The following TERT variants were observed in gnomAD, a reference collection of about 807,000 sequenced individuals.
TERT encodes telomerase reverse transcriptase, also known as telomerase catalytic subunit.
A neutral mutation model predicts 104.0 loss-of-function variants in TERT; 42 were observed. The ratio of observed to expected loss-of-function variants is 0.40; its 90% confidence interval spans 0.32 to 0.52. The LOEUF is 0.52. Ranked by LOEUF, TERT falls within the 20% of genes least tolerant of loss-of-function variation. The pLI, the probability that TERT is intolerant of heterozygous loss-of-function variation, is 0.43. For synonymous variants in TERT, 781 were observed against 725.6 expected (o/e 1.08, Z -1.23); for missense variants, 1,101 against 1,610.3 (o/e 0.68, Z 5.41).
Position 1,255,105 on chromosome 5 carries a change from C to T in TERT, c.3157+182G>A, listed in dbSNP as rs1455372138. On this transcript the variant is annotated intron_variant, in intron 14 of 15. Transcript: ENST00000310581. The surrounding 1 kb of genome is among the most constrained non-coding windows in gnomAD (Gnocchi z 6.9). ...GCTCCCAGACAGCTCCTGTCCCTTC[C>T]ATCAGGTGCTCTGCTCACCCCACGA... Among the ~76,000 whole-genome samples, 2 of 152,206 alleles carry T rather than the reference C, an allele frequency of 1.3e-5. No homozygotes were observed. The highest frequency in any genetic ancestry group is 2.9e-5 in the Non-Finnish European group (2 of 68,026).
rs1014182572 is a variant in TERT at position 1,286,070 on chromosome 5, T to C, written c.1574-3446A>G. ...ACCGCGGAGCCACCAGACCCCGACATGCCTGGGGTTTTCCAGGCTGAACCC... is the reference window on the plus strand; with the variant it reads ...ACCGCGGAGCCACCAGACCCCGACACGCCTGGGGTTTTCCAGGCTGAACCC... On this transcript the variant is annotated intron_variant, in intron 2 of 15. Coordinates refer to ENST00000310581, the MANE Select transcript of TERT (RefSeq NM_198253.3). The surrounding 1 kb of genome is among the most constrained non-coding windows in gnomAD (Gnocchi z 5.3). Among the ~76,000 whole-genome samples the C allele has an allele frequency of 6.6e-6, 1 of 152,126 alleles. No homozygotes were observed. The highest frequency in any genetic ancestry group is 1.5e-5 in the Non-Finnish European group (1 of 68,032).
chr5:1,278,950 G>C (rs1368419227), intron 5 of TERT, among the ~76,000 whole-genome samples, 154 bp from the exon 6 acceptor site: 9 of 152,232 alleles, frequency 5.9e-5, no homozygotes, highest in African/African-American at 2.2e-4. Context: ...TCCCCTCTCT[G>C]AGCCTCAGGA....
In TERT at chr5:1,290,596, C is replaced by G. The variant is rs369950186; in HGVS notation, c.1573+2717G>C. Among the ~76,000 whole-genome samples, 396 of 43,690 alleles carry G rather than the reference C, an allele frequency of 9.1e-3. 15 individuals carry two copies. Among genetic ancestry groups the G allele is most frequent in the Non-Finnish European group, 0.011 (263 of 24,426 alleles). 28.7% of individuals were successfully genotyped at this position (43,690 alleles called of 152,430 possible). The stretch of plus-strand genomic sequence containing the variant: ...ACACGTGACAGGGACACCCGGGGAC[C>G]GCGCCTCACTCACCCTGAACGTGAC... On this transcript the variant is annotated intron_variant, in intron 2 of 15. Transcript: ENST00000310581.
rs891361485 is a variant in TERT at position 1,286,895 on chromosome 5, C to T, written c.1574-4271G>A. On this transcript the variant is annotated intron_variant, in intron 2 of 15. Transcript: ENST00000310581. The surrounding 1 kb of genome is among the most constrained non-coding windows in gnomAD (Gnocchi z 5.3). Reference sequence around the variant, plus strand: ...TGTCTCAATAAACAAAAGCAAACAACGACAATAAAAAGATCAGGGGGTAAC... The same window carrying T: ...TGTCTCAATAAACAAAAGCAAACAATGACAATAAAAAGATCAGGGGGTAAC... Among the ~76,000 whole-genome samples, 5 of 151,710 alleles carry T rather than the reference C, an allele frequency of 3.3e-5. No homozygotes were observed. Among genetic ancestry groups the T allele is most frequent in the African/African-American group, 7.3e-5 (3 of 41,262 alleles).
intron 2 of TERT, among the ~76,000 whole-genome samples, chr5:1,283,452 A>C (rs1209763438): frequency 7.6e-3 from 461 of 60,566 alleles, no homozygotes; most frequent in Middle Eastern, 0.013. Context: ...ACATCCAGCT[A>C]ACCGCAGGGC....
At chr5:1,282,950 AACACACATACAGC>A (rs1750145873) in intron 2 of TERT, 1 of 377,640 alleles carries the variant, frequency 2.6e-6, no homozygotes, top group African/African-American at 2.5e-5. Context: ...CCATCCAGAC[AACACACATACAGC>A]CCACCGCAGG....
In TERT at chr5:1,273,970, G is replaced by A. The variant is rs145102024; in HGVS notation, c.2287-1690C>T. 1.1e-4 allele frequency among the ~76,000 whole-genome samples: 17 copies of A among 152,298 alleles called. 1 individual carries two copies. Among genetic ancestry groups the A allele is most frequent in the Admixed American group, 4.6e-4 (7 of 15,302 alleles). On this transcript the variant is annotated intron_variant, in intron 6 of 15. Transcript: ENST00000310581. ...AGTCTGAAGACGCGGGAGAGAGACCGGCACCCCCACCTCCTATTCTGCAGA... is the reference window on the plus strand; with the variant it reads ...AGTCTGAAGACGCGGGAGAGAGACCAGCACCCCCACCTCCTATTCTGCAGA...
intron 2 of TERT, among the ~76,000 whole-genome samples, chr5:1,290,346 C>T (rs1334774841): frequency 6.7e-5 from 4 of 60,068 alleles, no homozygotes; most frequent in East Asian, 4.3e-4. Flanking sequence ...CCGGGGACGG[C>T]ACCTCACTCA....
chr5:1,294,736 A>C, intron 1 of TERT, 35 bp downstream of exon 1: 1 of 1,565,730 alleles, frequency 6.4e-7, no homozygotes. Context: ...GGCCGCCCTC[A>C]ACCCCAGCCG....
intron 6 of TERT, among the ~76,000 whole-genome samples, chr5:1,277,084 G>A (rs879573549): frequency 8.5e-5 from 13 of 152,188 alleles, no homozygotes; most frequent in Non-Finnish European, 1.5e-4. Context: ...GCCCCGGGGC[G>A]GCCAGCACGG....
In TERT at chr5:1,253,311, G is replaced by A. The variant is rs1747459772; in HGVS notation, c.*417C>T. The A allele has an allele frequency of 2.6e-6, 1 of 384,232 alleles. No homozygotes were observed. Among genetic ancestry groups the A allele is most frequent in the Non-Finnish European group, 4.8e-6 (1 of 206,426 alleles). The allele number at this position is 384,232 out of a possible 1,614,324, so 23.8% of individuals were successfully genotyped here. The stretch of plus-strand genomic sequence containing the variant: ...CCTTTGGTCACTCCAAATTCCCAGA[G>A]CTCCCAGGGTCCTTCTCAGGGTCTC... On this transcript the variant is annotated 3_prime_UTR_variant, in exon 16 of 16. Transcript: ENST00000310581.
chr5:1,268,314 C>A lies in TERT; in HGVS notation c.2582+206G>T, dbSNP rs1466704146. On this transcript the variant is annotated intron_variant, in intron 9 of 15. Coordinates refer to ENST00000310581, the MANE Select transcript of TERT (RefSeq NM_198253.3). The surrounding 1 kb of genome is among the most constrained non-coding windows in gnomAD (Gnocchi z 5.5). ...GAGCCCTGAGGCCTCTGGACATGGC[C>A]GCTGGACAGAGCCTGCGTGGAGCCC... 6.6e-6 allele frequency among the ~76,000 whole-genome samples: 1 copy of A among 152,228 alleles called. No homozygotes were observed. The highest frequency in any genetic ancestry group is 1.5e-5 in the Non-Finnish European group (1 of 68,032).
In TERT at chr5:1,281,905, T is replaced by C. The variant is rs36002710; in HGVS notation, c.1769+524A>G. 2.2e-3 allele frequency among the ~76,000 whole-genome samples: 341 copies of C among 152,208 alleles called. 1 individual carries two copies. The highest frequency in any genetic ancestry group is 0.01 in the Middle Eastern group (3 of 294). On this transcript the variant is annotated intron_variant, in intron 3 of 15. Coordinates refer to ENST00000310581, the MANE Select transcript of TERT (RefSeq NM_198253.3). ...GAGTTCGAGACCAGCCTGGCCAACA[T>C]GGTGAAACCCCGTCTCTCCTAAAAG...
rs36077524 is a variant in TERT, at chr5:1,263,224, C to T, written c.2843+1180G>A. Among the ~76,000 whole-genome samples the T allele has an allele frequency of 7.7e-4, 118 of 152,294 alleles. No individual in the cohort carries two copies. Among genetic ancestry groups the T allele is most frequent in the Admixed American group, 9.8e-4 (15 of 15,292 alleles). ...CCAGATCTGGACTGTTAACTCAGAA[C>T]GACAGGACCCCAGTTTAAACCTCTG... On this transcript the variant is annotated intron_variant, in intron 11 of 15. Transcript: ENST00000310581. This position sits in a 1 kb window ranked among gnomAD's most constrained non-coding sequence, Gnocchi z 5.3.
rs946117938 is a variant in TERT at position 1,267,436 on chromosome 5, A to G, written c.2583-901T>C. Among the ~76,000 whole-genome samples, 7 of 152,332 alleles carry G rather than the reference A, an allele frequency of 4.6e-5. No homozygotes were observed. In the East Asian group the frequency reaches 5.8e-4, roughly 13 times the overall value. On this transcript the variant is annotated intron_variant, in intron 9 of 15. Transcript: ENST00000310581. ...TGGAAGACAGTGTGGTGATTCCTCA[A>G]GGATCTAGAACTAGAAATACCATTT...
intron 6 of TERT, among the ~76,000 whole-genome samples, chr5:1,275,093 G>A (rs925778477): frequency 2.0e-5 from 3 of 152,176 alleles, no homozygotes; most frequent in Non-Finnish European, 4.4e-5. Context: ...AGCGAGTCTC[G>A]GCCGGGCGCG....
chr5:1,281,615 C>CA, intron 3 of TERT, among the ~76,000 whole-genome samples: 1 of 152,362 alleles, frequency 6.6e-6, no homozygotes, highest in African/African-American at 2.4e-5. Context: ...ACATTGCAGA[C>CA]AAAATCTCAC....
chr5:1,271,380 T>C (rs1749022824), intron 7 of TERT, among the ~76,000 whole-genome samples, 176 bp from the exon 8 acceptor site: 1 of 152,224 alleles, frequency 6.6e-6, no homozygotes, highest in Non-Finnish European at 1.5e-5. Context: ...CAGACACACA[T>C]GGGCTTAGGC....
rs1032717805 is a variant in TERT at position 1,269,992 on chromosome 5, G to A, written c.2468+1127C>T. Among the ~76,000 whole-genome samples the A allele has an allele frequency of 1.3e-5, 2 of 152,118 alleles. No individual in the cohort carries two copies. Among genetic ancestry groups the A allele is most frequent in the African/African-American group, 2.4e-5 (1 of 41,434 alleles). ...AAGCCCTGCCACACGTGGACGGTAC[G>A]TGACTTGATCCATCTTAATAAAATT... On this transcript the variant is annotated intron_variant, in intron 8 of 15. Transcript: ENST00000310581. The surrounding 1 kb of genome is among the most constrained non-coding windows in gnomAD (Gnocchi z 9.0).
Sources: gnomAD v4.1 joint callset for allele counts (sites outside exome capture counted in the v4.1 genomes callset) on GRCh38, gnomAD v4.1.1 for gene constraint, Gnocchi (gnomAD v3.1) non-coding constraint, MANE v1.5 for transcripts, NCBI Gene and HGNC (gene_info 2026-07-23, HGNC 2026-07-21) for gene names.